Variants in DENND1A observed in about 807,000 individuals in gnomAD.
The protein encoded by DENND1A is DENN domain containing 1A.
DENND1A carries 51 observed loss-of-function variants against 113.7 expected under a neutral mutation model. The ratio of observed to expected loss-of-function variants is 0.45; its 90% confidence interval spans 0.36 to 0.57. DENND1A has a LOEUF of 0.57. Ranked by LOEUF, DENND1A falls within the 20% of genes least tolerant of loss-of-function variation. The pLI is 0.00. For synonymous variants in DENND1A, 565 were observed against 570.8 expected (o/e 0.99, Z 0.14); for missense variants, 1,258 against 1,395.9 (o/e 0.90, Z 1.57).
intron 3 of DENND1A, among the ~76,000 whole-genome samples, chr9:123,782,325 A>G (rs1294174647): frequency 6.6e-6 from 1 of 152,206 alleles, no homozygotes. Flanking sequence ...AAGAGGCATC[A>G]TGTCTGATAT....
intron 2 of DENND1A, among the ~76,000 whole-genome samples, chr9:123,837,855 TTC>T (rs1841269496): frequency 6.6e-6 from 1 of 152,252 alleles, no homozygotes; most frequent in Non-Finnish European, 1.5e-5. Flanking sequence ...TTCTACACTA[TTC>T]TGACACTGCT....
chr9:123,576,564 C>T (rs2058649986), intron 12 of DENND1A, among the ~76,000 whole-genome samples: 1 of 152,076 alleles, frequency 6.6e-6, no homozygotes, highest in South Asian at 2.1e-4. Flanking sequence ...AGTGGGGCAG[C>T]CTCGGCTCAC....
intron 1 of DENND1A, among the ~76,000 whole-genome samples, chr9:123,879,559 C>G (rs1848025313): frequency 1.3e-5 from 2 of 151,938 alleles, no homozygotes; most frequent in African/African-American, 2.4e-5. Context: ...ATTATACACA[C>G]ACACACACAC....
chr9:123,458,424 C>T (rs1338698351), intron 13 of DENND1A, among the ~76,000 whole-genome samples: 1 of 152,042 alleles, frequency 6.6e-6, no homozygotes, highest in Non-Finnish European at 1.5e-5. Flanking sequence ...TAGCTATTAT[C>T]AAGAAATTCA....
At chr9:123,856,717 C>T (rs1487672798) in intron 2 of DENND1A, among the ~76,000 whole-genome samples, 3 of 151,858 alleles carry the variant, frequency 2.0e-5, no homozygotes, top group African/African-American at 7.3e-5. Flanking sequence ...TTGTCAAAGA[C>T]CAAGGTGGAT....
intron 1 of DENND1A, among the ~76,000 whole-genome samples, chr9:123,917,198 C>T (rs1855313727): frequency 6.6e-6 from 1 of 151,972 alleles, no homozygotes; most frequent in African/African-American, 2.4e-5. Context: ...AACAAAACAA[C>T]AACAACAACA....
At chr9:123,424,835 C>T (rs1429656283) in intron 19 of DENND1A, among the ~76,000 whole-genome samples, 1 of 152,250 alleles carries the variant, frequency 6.6e-6, no homozygotes, top group African/African-American at 2.4e-5. Flanking sequence ...TGTGAAGGGG[C>T]TTGGCTGAGA....
chr9:123,546,134 G>A (rs1382768917), intron 13 of DENND1A, among the ~76,000 whole-genome samples: 1 of 152,182 alleles, frequency 6.6e-6, no homozygotes, highest in East Asian at 1.9e-4. Context: ...AAATGCCTGT[G>A]GTTAGCCACC....
At chr9:123,489,346 T>C (rs571475400) in intron 13 of DENND1A, among the ~76,000 whole-genome samples, 1 of 152,322 alleles carries the variant, frequency 6.6e-6, no homozygotes, top group South Asian at 2.1e-4. Flanking sequence ...AATGCTTCCA[T>C]CCATGAATCC....
chr9:123,831,663 G>A (rs1469614874), intron 2 of DENND1A, among the ~76,000 whole-genome samples: 1 of 152,196 alleles, frequency 6.6e-6, no homozygotes, highest in East Asian at 1.9e-4. Context: ...TGGAAAAGTA[G>A]AGAAAGGATG....
At chr9:123,805,997 A>T (rs1231622235) in intron 2 of DENND1A, among the ~76,000 whole-genome samples, 1 of 152,210 alleles carries the variant, frequency 6.6e-6, no homozygotes, top group Non-Finnish European at 1.5e-5. Context: ...TCTATCACCC[A>T]GGCTGGAGTG....
intron 13 of DENND1A, among the ~76,000 whole-genome samples, chr9:123,482,952 G>A (rs980764374): frequency 1.3e-5 from 2 of 152,188 alleles, no homozygotes; most frequent in South Asian, 4.1e-4. Context: ...AAAGCAACAG[G>A]GAACCCTAAA....
intron 13 of DENND1A, among the ~76,000 whole-genome samples, chr9:123,534,907 C>A (rs2055615539): frequency 6.6e-6 from 1 of 152,076 alleles, no homozygotes; most frequent in African/African-American, 2.4e-5. Context: ...CTTTTTTCCC[C>A]CCCTTCACTT....
At position 123,554,733 on chromosome 9, in the gene DENND1A, A is replaced by T. The variant is rs2057325967; in HGVS notation, c.993+2837T>A. On this transcript the variant is annotated intron_variant, in intron 13 of 23. Transcript: ENST00000394215. Reference sequence around the variant, plus strand: ...TTACTTCCCATTGTAACATTTCTGAAATCTGGATGTGTCTTATAATTGGTG... The same window carrying T: ...TTACTTCCCATTGTAACATTTCTGATATCTGGATGTGTCTTATAATTGGTG... Among the ~76,000 whole-genome samples, 5 of 152,168 alleles carry T rather than the reference A, an allele frequency of 3.3e-5. No individual in the cohort carries two copies. The South Asian group carries it at 8.3e-4, about 25-fold the overall frequency.
intron 9 of DENND1A, among the ~76,000 whole-genome samples, chr9:123,642,676 A>G (rs1363406285): frequency 2.0e-5 from 3 of 152,248 alleles, no homozygotes; most frequent in Admixed American, 2.0e-4. Context: ...ACAGTTTGAA[A>G]CAAAATAATG....
rs776434364 is a variant in DENND1A at position 123,440,392 on chromosome 9, C to T, written c.1456G>A (p.Asp486Asn). ...VEAKDPKLRE[D>N]RRPITVHFGQ... ...AAGTGGACTGTGATTGGCCGCCGGT[C>T]TTCTCGGAGCTTGGGGTCCTTGGCC... Residue 486 changes from aspartate (D) to asparagine (N), a missense_variant, in exon 19 of 24, where the codon GAC becomes AAC. Around this residue, in one of 2 missense-constraint regions of DENND1A, gnomAD observed 1,159 missense variants for 1,231.7 expected, o/e 0.94. Transcript: ENST00000394215. The T allele has an allele frequency of 6.2e-7, 1 of 1,600,758 alleles. No individual in the cohort carries two copies. The highest frequency in any genetic ancestry group is 8.5e-7 in the Non-Finnish European group (1 of 1,174,818).
At chr9:123,640,102 T>C (rs2061948437) in intron 9 of DENND1A, among the ~76,000 whole-genome samples, 1 of 152,186 alleles carries the variant, frequency 6.6e-6, no homozygotes, top group African/African-American at 2.4e-5. Flanking sequence ...ATCCCACAAT[T>C]ACTGAGTATC....
chr9:123,448,538 C>A (rs1298539652), intron 18 of DENND1A, among the ~76,000 whole-genome samples: 1 of 152,192 alleles, frequency 6.6e-6, no homozygotes, highest in Admixed American at 6.5e-5. Context: ...GGAAAACTCT[C>A]CGCTCCCTGC....
At chr9:123,913,933 G>A (rs889639485) in intron 1 of DENND1A, among the ~76,000 whole-genome samples, 1 of 151,130 alleles carries the variant, frequency 6.6e-6, no homozygotes, top group African/African-American at 2.4e-5. Context: ...AGCCAGATAT[G>A]GACCTTTATT....
Sources: gnomAD v4.1 joint callset for allele counts (sites outside exome capture counted in the v4.1 genomes callset) on GRCh38, gnomAD v4.1.1 for gene constraint, gnomAD v4.1.1 regional missense constraint, MANE v1.5 for transcripts, NCBI Gene and HGNC (gene_info 2026-07-23, HGNC 2026-07-21) for gene names.